Variants in OPCML observed in about 807,000 individuals in gnomAD.
OPCML encodes the protein opioid binding protein/cell adhesion molecule like.
OPCML carries 13 observed loss-of-function variants against 37.8 expected under a neutral mutation model. The observed-to-expected ratio is 0.34, with a 90% CI of 0.22 to 0.55. OPCML has a LOEUF of 0.55. Among genes scored for constraint, OPCML ranks in the 20% least tolerant of loss-of-function variants. The pLI is 0.91. For missense variants in OPCML, 341 were observed against 435.6 expected, an observed-to-expected ratio of 0.78 and a Z score of 1.93; for synonymous variants, 176 against 168.8, an observed-to-expected ratio of 1.04 and a Z score of -0.33.
chr11:132,779,200 T>C (rs950690761), intron 2 of OPCML, among the ~76,000 whole-genome samples: 2 of 152,158 alleles, frequency 1.3e-5, no homozygotes, highest in Admixed American at 6.5e-5. Flanking sequence ...ACTCCTGACC[T>C]CAGGTGATCT....
chr11:133,427,994 G>A (rs10894682), intron 1 of OPCML, among the ~76,000 whole-genome samples: 2,618 of 152,062 alleles, frequency 0.017, 44 homozygotes, highest in South Asian at 0.078. Flanking sequence ...TCTAACACTG[G>A]ATAAAAGATA....
chr11:133,420,689 T>C, intron 1 of OPCML: 2 of 985,430 alleles, frequency 2.0e-6, no homozygotes, highest in Non-Finnish European at 2.4e-6. Context: ...AGGATGCATC[T>C]AGGCCTACCC....
At chr11:133,367,806 CA>C (rs1388221182) in intron 1 of OPCML, among the ~76,000 whole-genome samples, 3 of 152,172 alleles carry the variant, frequency 2.0e-5, no homozygotes, top group Non-Finnish European at 2.9e-5. Flanking sequence ...TAACTTGCTT[CA>C]GGGGGAGCAA....
chr11:132,766,833 G>A (rs887480924), intron 2 of OPCML, among the ~76,000 whole-genome samples: 1 of 151,950 alleles, frequency 6.6e-6, no homozygotes, highest in African/African-American at 2.4e-5. Context: ...TAGCAAAAAT[G>A]GAAAATTCTG....
intron 1 of OPCML, among the ~76,000 whole-genome samples, chr11:133,044,315 A>G (rs188721094): frequency 3.8e-4 from 58 of 152,328 alleles, no homozygotes; most frequent in Non-Finnish European, 6.9e-4. Context: ...CTGTAGGAAT[A>G]CAATAAGAAA....
intron 1 of OPCML, among the ~76,000 whole-genome samples, chr11:133,442,930 A>AT (rs1049986082): frequency 2.0e-5 from 3 of 152,206 alleles, no homozygotes; most frequent in African/African-American, 7.2e-5. Context: ...AAAGCAGAGA[A>AT]TGGGAAAATA....
chr11:132,986,779 CA>C (rs1410451825), intron 1 of OPCML, among the ~76,000 whole-genome samples: 1 of 152,004 alleles, frequency 6.6e-6, no homozygotes, highest in African/African-American at 2.4e-5. Flanking sequence ...TAATTACCAT[CA>C]GGGAAAAAGA....
intron 4 of OPCML, among the ~76,000 whole-genome samples, chr11:132,464,312 T>A (rs1013263771): frequency 1.3e-5 from 2 of 152,152 alleles, no homozygotes; most frequent in African/African-American, 4.8e-5. Context: ...CTCCTAATCT[T>A]GCCTATGTTT....
At chr11:133,106,972 A>G (rs533568551) in intron 1 of OPCML, among the ~76,000 whole-genome samples, 6 of 152,164 alleles carry the variant, frequency 3.9e-5, no homozygotes, top group Non-Finnish European at 8.8e-5. Flanking sequence ...TCCAAAGAAC[A>G]GCTACTTTCA....
intron 2 of OPCML, among the ~76,000 whole-genome samples, chr11:132,700,477 T>C (rs1463957226): frequency 1.3e-5 from 2 of 152,158 alleles, no homozygotes; most frequent in Admixed American, 6.6e-5. Context: ...TTTTGGTATG[T>C]TGTGCTTTCA....
chr11:133,435,463 G>C (rs761455444), intron 1 of OPCML, among the ~76,000 whole-genome samples: 12 of 152,164 alleles, frequency 7.9e-5, no homozygotes, highest in Non-Finnish European at 1.3e-4. Flanking sequence ...CATTTCTCCT[G>C]GGGTGAGTTT....
intron 1 of OPCML, among the ~76,000 whole-genome samples, chr11:133,366,581 T>C (rs1020390244): frequency 1.3e-5 from 2 of 151,960 alleles, no homozygotes; most frequent in Admixed American, 1.3e-4. Context: ...CATCCCTTCA[T>C]GATGGGGAGA....
At chr11:132,718,490 C>G (rs1304102813) in intron 2 of OPCML, among the ~76,000 whole-genome samples, 2 of 152,094 alleles carry the variant, frequency 1.3e-5, no homozygotes, top group South Asian at 4.1e-4. Context: ...ACCAGGCATC[C>G]GTAAGATCTG....
At chr11:132,507,109 TAA>T (rs5795785) in intron 4 of OPCML, among the ~76,000 whole-genome samples, 2 of 144,564 alleles carry the variant, frequency 1.4e-5, no homozygotes, top group Non-Finnish European at 3.0e-5. Context: ...CATTAAATTG[TAA>T]AAAAAAAAAA....
intron 1 of OPCML, among the ~76,000 whole-genome samples, chr11:133,092,903 G>A (rs1036991441): frequency 1.7e-4 from 26 of 152,088 alleles, no homozygotes; most frequent in African/African-American, 5.1e-4. Context: ...CCTAGTGCCA[G>A]TTATCCCTGA....
intron 4 of OPCML, among the ~76,000 whole-genome samples, chr11:132,464,603 T>C (rs2096113869): frequency 1.3e-5 from 2 of 152,208 alleles, no homozygotes; most frequent in Non-Finnish European, 2.9e-5. Flanking sequence ...GTTATTCTTG[T>C]TTTGATGGTC....
Position 133,302,253 on chromosome 11 carries a change from G to A in OPCML, c.61+230011C>T, listed in dbSNP as rs148918392. On this transcript the variant is annotated intron_variant, in intron 1 of 7. Transcript: ENST00000524381. ...GTGGAGGTAATTGAATCACAGGGGC[G>A]GTTCCCCCATGCTGTTCTCATGATA... The A allele has an allele frequency of 6.6e-3, 1,009 of 152,192 alleles. 9 individuals carry two copies. Among genetic ancestry groups the A allele is most frequent in the African/African-American group, 0.017 (722 of 41,494 alleles). 9.4% of individuals were successfully genotyped at this position (152,192 alleles called of 1,614,324 possible).
intron 1 of OPCML, among the ~76,000 whole-genome samples, chr11:133,089,479 C>T (rs1210030862): frequency 1.3e-5 from 2 of 152,128 alleles, no homozygotes; most frequent in South Asian, 2.1e-4. Flanking sequence ...TTAACTTACT[C>T]GTTTGGAGAT....
At chr11:133,036,352 G>T (rs1486850635) in intron 1 of OPCML, among the ~76,000 whole-genome samples, 5 of 152,196 alleles carry the variant, frequency 3.3e-5, no homozygotes, top group Non-Finnish European at 7.3e-5. Flanking sequence ...TGCTAAGATT[G>T]CAAAGATCAA....
Sources: gnomAD v4.1 joint callset for allele counts (sites outside exome capture counted in the v4.1 genomes callset) on GRCh38, gnomAD v4.1.1 for gene constraint, MANE v1.5 for transcripts, NCBI Gene and HGNC (gene_info 2026-07-23, HGNC 2026-07-21) for gene names.